Variants in ARID5A observed in about 807,000 individuals in gnomAD.
The protein encoded by ARID5A is AT-rich interactive domain-containing protein 5A.
ARID5A carries 14 observed loss-of-function variants against 30.5 expected under a neutral mutation model. The observed-to-expected ratio is 0.46, with a 90% CI of 0.30 to 0.72. ARID5A has a LOEUF of 0.72. Among genes scored for constraint, ARID5A ranks in the 30% least tolerant of loss-of-function variants. ARID5A has a pLI of 0.07. For synonymous variants in ARID5A, 338 were observed against 340.4 expected (o/e 0.99, Z 0.08); for missense variants, 669 against 786.2 (o/e 0.85, Z 1.78).
chr2:96,550,813 G>A lies in ARID5A; in HGVS notation c.570+80G>A. The A allele has an allele frequency of 6.8e-7, 1 of 1,467,002 alleles. No homozygotes were observed. The highest frequency in any genetic ancestry group is 9.0e-7 in the Non-Finnish European group (1 of 1,105,840). The allele number at this position is 1,467,002 out of a possible 1,614,324, so 90.9% of individuals were successfully genotyped here. ...CCCCACAACTCCCTGTGGCCGCGGA[G>A]CTGTCTGCTCAGAATACACAGAACC... On this transcript the variant is annotated intron_variant, in intron 6 of 6. Transcript: ENST00000357485. This position sits in a 1 kb window ranked among gnomAD's most constrained non-coding sequence, Gnocchi z 6.6.
Position 96,551,506 on chromosome 2 carries a change from A to G in ARID5A, c.978A>G (p.Arg326=), listed in dbSNP as rs746005073. The G allele has an allele frequency of 6.3e-7, 1 of 1,595,168 alleles. No individual in the cohort carries two copies. Among genetic ancestry groups the G allele is most frequent in the Admixed American group, 1.7e-5 (1 of 57,906 alleles). The change falls in exon 7 of 7, where the codon AGA becomes AGG. Residue 326 remains arginine (R), a synonymous_variant. Transcript: ENST00000357485. ...EGLQAPGGSL[R]EEAQAGPCPA... The stretch of plus-strand genomic sequence containing the variant: ...TGCAGGCCCCAGGTGGCAGCCTCAG[A>G]GAGGAGGCGCAGGCAGGCCCCTGCC...
intron 2 of ARID5A, among the ~76,000 whole-genome samples, chr2:96,548,049 T>C (rs1442348004): frequency 1.3e-5 from 2 of 152,200 alleles, no homozygotes; most frequent in African/African-American, 4.8e-5. Flanking sequence ...AATAGAGGCC[T>C]GGAGGAGCAG....
At chr2:96,544,157 TA>T (rs1475518404) in intron 1 of ARID5A, among the ~76,000 whole-genome samples, 5 of 152,220 alleles carry the variant, frequency 3.3e-5, no homozygotes, top group African/African-American at 1.2e-4. Flanking sequence ...TCATGAGGTT[TA>T]AGGAAAGACG....
rs1320306961 is a variant in ARID5A at position 96,550,769 on chromosome 2, T to C, written c.570+36T>C. ...GGCTGGCTGGGGCCACCCTGTCCCT[T>C]GCCTCTTGTAGCCCCCTACCCCACA... On this transcript the variant is annotated intron_variant, in intron 6 of 6. Coordinates refer to ENST00000357485, the MANE Select transcript of ARID5A (RefSeq NM_212481.3). The surrounding 1 kb of genome is among the most constrained non-coding windows in gnomAD (Gnocchi z 6.6). 1.3e-6 allele frequency: 2 copies of C among 1,514,480 alleles called. No homozygotes were observed. Among genetic ancestry groups the C allele is most frequent in the Non-Finnish European group, 8.9e-7 (1 of 1,129,002 alleles). 93.8% of individuals were successfully genotyped at this position (1,514,480 alleles called of 1,614,324 possible).
Position 96,549,787 on chromosome 2 carries a change from G to A in ARID5A, c.294G>A (p.Lys98=), listed in dbSNP as rs766789913. 19 of 1,613,492 alleles carry A rather than the reference G, an allele frequency of 1.2e-5. No homozygotes were observed. The highest frequency in any genetic ancestry group is 1.6e-5 in the Non-Finnish European group (19 of 1,179,822). ...NLWKIYKAVE[K]LGAYELVTGR... is the part of the protein sequence containing the mutation. ...GGAAGATCTACAAAGCAGTGGAGAA[G>A]CTGGGGGCCTATGAGCTGGTAAGGA... The change falls in exon 4 of 7, where the codon AAG becomes AAA. Residue 98 remains lysine (K), a synonymous_variant. Coordinates refer to ENST00000357485, the MANE Select transcript of ARID5A (RefSeq NM_212481.3). This position sits in a 1 kb window ranked among gnomAD's most constrained non-coding sequence, Gnocchi z 6.1.
At chr2:96,545,953 CAA>C (rs530218997) in intron 1 of ARID5A, among the ~76,000 whole-genome samples, 5 of 130,060 alleles carry the variant, frequency 3.8e-5, no homozygotes, top group Admixed American at 7.8e-5. Context: ...GATTCTGACT[CAA>C]AAAAAAAAAA....
intron 2 of ARID5A, among the ~76,000 whole-genome samples, chr2:96,548,815 T>TGG (rs2065974531): frequency 6.6e-6 from 1 of 152,202 alleles, no homozygotes; most frequent in Admixed American, 6.5e-5. Flanking sequence ...CACGGCAGGC[T>TGG]GGGGCCACAC....
chr2:96,550,115 G>A lies in ARID5A; in HGVS notation c.313-73G>A. ...CTGCAGTCCTTCGAGTCCCTGCGAGGGCGGCCGGAGCTGCAAGGACCCCGC... is the reference window on the plus strand; with the variant it reads ...CTGCAGTCCTTCGAGTCCCTGCGAGAGCGGCCGGAGCTGCAAGGACCCCGC... On this transcript the variant is annotated intron_variant, in intron 4 of 6. Transcript: ENST00000357485. The surrounding 1 kb of genome is among the most constrained non-coding windows in gnomAD (Gnocchi z 6.6). 6.5e-7 allele frequency: 1 copy of A among 1,531,758 alleles called. No homozygotes were observed. The highest frequency in any genetic ancestry group is 8.7e-7 in the Non-Finnish European group (1 of 1,144,144). The allele number at this position is 1,531,758 out of a possible 1,614,324, so 94.9% of individuals were successfully genotyped here.
At chr2:96,544,175 C>A (rs1485015080) in intron 1 of ARID5A, among the ~76,000 whole-genome samples, 1 of 152,238 alleles carries the variant, frequency 6.6e-6, no homozygotes, top group Non-Finnish European at 1.5e-5. Flanking sequence ...GACGCCATCA[C>A]CATCACATAA....
intron 6 of ARID5A, 64 bp from the exon 7 acceptor site, chr2:96,551,035 C>G: frequency 6.5e-7 from 1 of 1,530,506 alleles, no homozygotes; most frequent in Middle Eastern, 1.8e-4. Flanking sequence ...AGTGCCACCT[C>G]TTGCTCCTCA....
chr2:96,538,042 T>C (rs1181082728), intron 1 of ARID5A: 14 of 985,408 alleles, frequency 1.4e-5, no homozygotes, highest in Non-Finnish European at 1.6e-5. Context: ...GCTCGAGGGC[T>C]TCACCCCGCA....
Position 96,538,585 on chromosome 2 carries a change from C to G in ARID5A, c.4+1755C>G, listed in dbSNP as rs1411168211. On this transcript the variant is annotated intron_variant, in intron 1 of 6. Transcript: ENST00000357485. The stretch of plus-strand genomic sequence containing the variant: ...TCCAGCTCAACACTTGGCAGGCCCC[C>G]CTCCCCAAACTGCTGGAGCAAGCTC... Among the ~76,000 whole-genome samples, 4 of 152,230 alleles carry G rather than the reference C, an allele frequency of 2.6e-5. No individual in the cohort carries two copies. In the South Asian group the frequency reaches 8.3e-4, roughly 32 times the overall value.
In ARID5A at chr2:96,551,656, C is replaced by A. The variant is rs754063115; in HGVS notation, c.1128C>A (p.Gly376=). 3 of 1,523,672 alleles carry A rather than the reference C, an allele frequency of 2.0e-6. No individual in the cohort carries two copies. The highest frequency in any genetic ancestry group is 1.3e-5 in the South Asian group (1 of 75,956). 94.4% of individuals were successfully genotyped at this position (1,523,672 alleles called of 1,614,324 possible). A position where few individuals can be genotyped will look rare whatever the true frequency, so the allele number is the denominator to read the frequency against. The change falls in exon 7 of 7, where the codon GGC becomes GGA. Residue 376 remains glycine, a synonymous_variant. Transcript: ENST00000357485. The part of the protein sequence containing the change: ...LKDGVLLGPP[G]KEGLSVKEPQ... ...ATGGGGTGCTATTGGGGCCTCCTGG[C>A]AAAGAGGGGCTGTCAGTGAAAGAGC...
Position 96,551,849 on chromosome 2 carries a change from C to G in ARID5A, c.1321C>G (p.Leu441Val). Reference sequence around the variant, plus strand: ...GCCCACCTTCCCCAGTAGCCCAGGCCTGGGCAGCAAGCGCAGCCTGGAGGA... The same window carrying G: ...GCCCACCTTCCCCAGTAGCCCAGGCGTGGGCAGCAAGCGCAGCCTGGAGGA... Reference protein sequence around the residue: ...LPPTFPSSPGLGSKRSLEEEG... With the variant: ...LPPTFPSSPGVGSKRSLEEEG... The change falls in exon 7 of 7, where the codon CTG (leucine) becomes GTG (valine). Residue 441 changes from leucine to valine, a missense_variant. Coordinates refer to ENST00000357485, the MANE Select transcript of ARID5A (RefSeq NM_212481.3). 6.3e-7 allele frequency: 1 copy of G among 1,597,948 alleles called. No individual in the cohort carries two copies. Among genetic ancestry groups the G allele is most frequent in the Non-Finnish European group, 8.5e-7 (1 of 1,173,110 alleles).
In ARID5A at chr2:96,537,819, AC is replaced by A. The variant is rs1161082321; in HGVS notation, c.4+994del. On this transcript the variant is annotated intron_variant, in intron 1 of 6. Transcript: ENST00000357485. The surrounding 1 kb of genome is among the most constrained non-coding windows in gnomAD (Gnocchi z 4.8). ...CGTGGTGGGGCTTGCGCGGTGCAGG[AC>A]CCCCGAGGGCCCAGGGGGTCCCAAG... The A allele has an allele frequency of 8.2e-6, 8 of 973,002 alleles. No homozygotes were observed. The highest frequency in any genetic ancestry group is 9.8e-6 in the Non-Finnish European group (8 of 818,972). 60.3% of individuals were successfully genotyped at this position (973,002 alleles called of 1,614,324 possible).
Position 96,552,383 on chromosome 2 carries a change from GGGCTCT to G in ARID5A, c.*72_*77del, listed in dbSNP as rs2066072296. ...ACAACAGGCAGGTACTGCTGCCAGG[GGGCTCT>G]GAACTAGTGCCTGCTACCCAGGACA... is the stretch of plus-strand genomic sequence containing the variant. On this transcript the variant is annotated 3_prime_UTR_variant, in exon 7 of 7. Transcript: ENST00000357485. The G allele has an allele frequency of 6.2e-7, 1 of 1,600,718 alleles. No individual in the cohort carries two copies. Among genetic ancestry groups the G allele is most frequent in the African/African-American group, 1.3e-5 (1 of 74,326 alleles).
chr2:96,544,329 A>T (rs1047967322), intron 1 of ARID5A, among the ~76,000 whole-genome samples: 1 of 152,266 alleles, frequency 6.6e-6, no homozygotes, highest in Non-Finnish European at 1.5e-5. Context: ...AGAAGATGTC[A>T]TCTAGGACTT....
In ARID5A at chr2:96,549,548, A is replaced by G; in HGVS notation, c.259+89A>G. ...CGGGCAGGCACTCCCACTCTGGGTG[A>G]CCCAGGTTGCAGATAGAAAGGAGGC... is the stretch of plus-strand genomic sequence containing the variant. On this transcript the variant is annotated intron_variant, in intron 3 of 6. Transcript: ENST00000357485. This position sits in a 1 kb window ranked among gnomAD's most constrained non-coding sequence, Gnocchi z 6.1. 3 of 1,554,642 alleles carry G rather than the reference A, an allele frequency of 1.9e-6. No homozygotes were observed. Among genetic ancestry groups the G allele is most frequent in the Non-Finnish European group, 1.8e-6 (2 of 1,139,726 alleles).
Position 96,552,262 on chromosome 2 carries a change from A to G in ARID5A, c.1734A>G (p.Pro578=), listed in dbSNP as rs997684899. ...CCTCATCTGCCTGGCACGCACCACC[A>G]GTCACAACCTATGCAGCGCCCCACT... ...CPASSAWHAP[P]VTTYAAPHFF... The change falls in exon 7 of 7, where the codon CCA becomes CCG. Residue 578 remains proline (P), a synonymous_variant. Transcript: ENST00000357485. 1.1e-5 allele frequency: 17 copies of G among 1,613,008 alleles called. No homozygotes were observed. The highest frequency in any genetic ancestry group is 2.2e-5 in the East Asian group (1 of 44,892).
Sources: gnomAD v4.1 joint callset for allele counts (sites outside exome capture counted in the v4.1 genomes callset) on GRCh38, gnomAD v4.1.1 for gene constraint, Gnocchi (gnomAD v3.1) non-coding constraint, MANE v1.5 for transcripts, NCBI Gene and HGNC (gene_info 2026-07-23, HGNC 2026-07-21) for gene names.